The following NLRP4 variants were observed in gnomAD, a reference collection of about 807,000 sequenced individuals.
NLRP4 encodes NACHT, LRR and PYD domains-containing protein 4.
A neutral mutation model predicts 84.7 loss-of-function variants in NLRP4; 44 were observed. The observed-to-expected ratio is 0.52, with a 90% CI of 0.41 to 0.67. The LOEUF is 0.67. Ranked by LOEUF, NLRP4 falls within the 30% of genes least tolerant of loss-of-function variation. NLRP4 has a pLI of 0.00. For synonymous variants in NLRP4, 544 were observed against 476.4 expected (o/e 1.14, Z -1.85); for missense variants, 1,260 against 1,219.4 (o/e 1.03, Z -0.50).
chr19:55,871,680 T>G (rs1197310881), intron 7 of NLRP4, among the ~76,000 whole-genome samples: 1 of 152,148 alleles, frequency 6.6e-6, no homozygotes, highest in Non-Finnish European at 1.5e-5. Context: ...TATTCCTCAC[T>G]TGAAGAGTAT....
intron 1 of NLRP4, among the ~76,000 whole-genome samples, chr19:55,838,550 A>G (rs1295497849): frequency 1.3e-5 from 2 of 152,114 alleles, no homozygotes; most frequent in East Asian, 3.9e-4. Flanking sequence ...AGTTTGTGGT[A>G]CGTTGTCATG....
rs1009334162 is a variant in NLRP4 at position 55,857,736 on chromosome 19, T to A, written c.343T>A (p.Ser115Thr). 1 of 1,613,830 alleles carries A rather than the reference T, an allele frequency of 6.2e-7. No homozygotes were observed. Among genetic ancestry groups the A allele is most frequent in the Non-Finnish European group, 8.5e-7 (1 of 1,179,732 alleles). Residue 115 changes from serine (S) to threonine (T), a missense_variant, in exon 3 of 10, where the codon TCT (serine) becomes ACT (threonine). Ser to Thr is a moderately conservative substitution (Grantham distance 58). Transcript: ENST00000301295. The stretch of plus-strand genomic sequence containing the variant: ...ATTCAGCCGCTTATGGTCCAGCAAG[T>A]CTGTCACTGAGATTCACCTATACTT... ...QKFSRLWSSK[S>T]VTEIHLYFEE...
intron 7 of NLRP4, among the ~76,000 whole-genome samples, chr19:55,875,688 G>A (rs1202894758): frequency 2.6e-5 from 4 of 152,090 alleles, no homozygotes; most frequent in Non-Finnish European, 5.9e-5. Flanking sequence ...ATTTTAAAAT[G>A]TGTATGGAAC....
rs773620204 is a variant in NLRP4, at chr19:55,858,268, C to A, written c.875C>A (p.Thr292Lys). ...VCPKELRDQV[T>K]ISEIYQPRGF... ...CCGAAGGAGCTCCGGGATCAGGTGA[C>A]GATCTCAGAAATCTACCAGCCCCGG... Residue 292 changes from threonine (T) to lysine (K), a missense_variant, in exon 3 of 10, where the codon ACG (threonine) becomes AAG (lysine). Coordinates refer to ENST00000301295, the MANE Select transcript of NLRP4 (RefSeq NM_134444.5). This position sits in a 1 kb window ranked among gnomAD's most constrained non-coding sequence, Gnocchi z 4.2. The A allele has an allele frequency of 6.2e-7, 1 of 1,614,140 alleles. No individual in the cohort carries two copies. Among genetic ancestry groups the A allele is most frequent in the Non-Finnish European group, 8.5e-7 (1 of 1,180,026 alleles).
chr19:55,850,233 G>A (rs868536849), intron 1 of NLRP4, among the ~76,000 whole-genome samples: 14 of 113,356 alleles, frequency 1.2e-4, no homozygotes, highest in African/African-American at 6.2e-4. Context: ...TAATTTCCGT[G>A]GCTGCGGTGT....
At position 55,859,130 on chromosome 19, in the gene NLRP4, T is replaced by C. The variant is rs554911894; in HGVS notation, c.1737T>C (p.His579=). ...AVNLLQEANF[H]IIDNVDLVVS... ...ACCTCCTCCAAGAAGCTAACTTTCATATTATTGACAACGTGGACTTGGTGG... is the reference window on the plus strand; with the variant it reads ...ACCTCCTCCAAGAAGCTAACTTTCACATTATTGACAACGTGGACTTGGTGG... Residue 579 remains histidine, a synonymous_variant, in exon 3 of 10, where the codon CAT becomes CAC. Transcript: ENST00000301295. The C allele has an allele frequency of 1.2e-6, 2 of 1,613,942 alleles. No homozygotes were observed. The highest frequency in any genetic ancestry group is 1.7e-6 in the Non-Finnish European group (2 of 1,179,924).
intron 6 of NLRP4, among the ~76,000 whole-genome samples, chr19:55,868,879 G>T (rs964911041): frequency 2.6e-5 from 4 of 152,144 alleles, no homozygotes; most frequent in Non-Finnish European, 5.9e-5. Context: ...TGAACAACAT[G>T]AAAGTAAGAG....
Position 55,852,194 on chromosome 19 carries a change from A to G in NLRP4, c.114A>G (p.Glu38=). 6.2e-7 allele frequency: 1 copy of G among 1,607,970 alleles called. No homozygotes were observed. The highest frequency in any genetic ancestry group is 8.5e-7 in the Non-Finnish European group (1 of 1,178,500). Residue 38 remains glutamate, a synonymous_variant, in exon 2 of 10, where the codon GAA becomes GAG. Coordinates refer to ENST00000301295, the MANE Select transcript of NLRP4 (RefSeq NM_134444.5). The part of the protein sequence containing the change: ...EHLKQMTLQL[E]LKQIPWTEVK... Reference sequence around the variant, plus strand: ...TCAAGCAAATGACTTTGCAGCTTGAACTCAAGCAGATTCCCTGGACTGAGG... The same window carrying G: ...TCAAGCAAATGACTTTGCAGCTTGAGCTCAAGCAGATTCCCTGGACTGAGG...
chr19:55,866,994 C>T (rs927370133), intron 5 of NLRP4, among the ~76,000 whole-genome samples: 8 of 152,020 alleles, frequency 5.3e-5, no homozygotes, highest in Admixed American at 3.3e-4. Context: ...TGACACTGTG[C>T]GTCTCAGGTT....
chr19:55,856,681 A>G (rs1984438271), intron 2 of NLRP4, among the ~76,000 whole-genome samples: 1 of 151,638 alleles, frequency 6.6e-6, no homozygotes, highest in Non-Finnish European at 1.5e-5. Flanking sequence ...ACGCCCGGCT[A>G]ATTTTTGTAT....
chr19:55,873,299 T>C (rs1275271826), intron 7 of NLRP4, among the ~76,000 whole-genome samples: 2 of 151,694 alleles, frequency 1.3e-5, no homozygotes, highest in East Asian at 1.9e-4. Flanking sequence ...ACAACAGCCA[T>C]AACAAAATAT....
At chr19:55,847,799 C>T (rs1281910363) in intron 1 of NLRP4, among the ~76,000 whole-genome samples, 1 of 150,870 alleles carries the variant, frequency 6.6e-6, no homozygotes, top group Non-Finnish European at 1.5e-5. Context: ...ACTGCAACCT[C>T]TGCCTCCCGG....
chr19:55,874,551 AG>A (rs1414129489), intron 7 of NLRP4, among the ~76,000 whole-genome samples: 1 of 152,214 alleles, frequency 6.6e-6, no homozygotes, highest in East Asian at 1.9e-4. Flanking sequence ...AGACTCAATA[AG>A]CTTCTAAAAT....
chr19:55,861,381 C>T lies in NLRP4; in HGVS notation c.1857-5C>T. 1.9e-6 allele frequency: 3 copies of T among 1,612,462 alleles called. No individual in the cohort carries two copies. The highest frequency in any genetic ancestry group is 2.5e-6 in the Non-Finnish European group (3 of 1,178,950). ...TGTGGAAAGCTCGTCCTTTCTTGAC[C>T]ACAGGTCGGATTACAGCCTCATCTG... On this transcript the variant is annotated splice_polypyrimidine_tract_variant and splice_region_variant and intron_variant, in intron 3 of 9. Transcript: ENST00000301295.
chr19:55,881,811 C>A lies in NLRP4; in HGVS notation c.*224C>A. The stretch of plus-strand genomic sequence containing the variant: ...TCATGGTCTCTCGGTCTCACAAGGA[C>A]CTCTTAACCCCTCAATAAAGTGTTA... On this transcript the variant is annotated 3_prime_UTR_variant, in exon 10 of 10. Coordinates refer to ENST00000301295, the MANE Select transcript of NLRP4 (RefSeq NM_134444.5). 2.9e-6 allele frequency: 1 copy of A among 348,402 alleles called. No individual in the cohort carries two copies. Among genetic ancestry groups the A allele is most frequent in the Non-Finnish European group, 5.1e-6 (1 of 194,358 alleles). The allele number at this position is 348,402 out of a possible 1,614,324, so 21.6% of individuals were successfully genotyped here.
At chr19:55,864,652 T>C (rs1458816497) in intron 5 of NLRP4, among the ~76,000 whole-genome samples, 1 of 152,260 alleles carries the variant, frequency 6.6e-6, no homozygotes, top group Non-Finnish European at 1.5e-5. Flanking sequence ...CCTCAGTGAC[T>C]GCACAATTCT....
chr19:55,847,594 C>G (rs1391789073), intron 1 of NLRP4, among the ~76,000 whole-genome samples: 10 of 152,080 alleles, frequency 6.6e-5, no homozygotes, highest in Non-Finnish European at 1.5e-4. Flanking sequence ...AATCCTGTGC[C>G]ACATTTCTCT....
chr19:55,844,147 CTG>C (rs1257052326), intron 1 of NLRP4, among the ~76,000 whole-genome samples: 3 of 152,162 alleles, frequency 2.0e-5, no homozygotes, highest in Non-Finnish European at 2.9e-5. Flanking sequence ...CTTCTGAAGA[CTG>C]TGAGGGAGAA....
chr19:55,850,789 C>CGAGGCTGCGGTGTAATTTA, intron 1 of NLRP4, among the ~76,000 whole-genome samples: 3 of 125,494 alleles, frequency 2.4e-5, no homozygotes, highest in African/African-American at 3.8e-5. Context: ...GGTGTAATTC[C>CGAGGCTGCGGTGTAATTTA]CGAGGCTGCG....
Sources: gnomAD v4.1 joint callset for allele counts (sites outside exome capture counted in the v4.1 genomes callset) on GRCh38, gnomAD v4.1.1 for gene constraint, Gnocchi (gnomAD v3.1) non-coding constraint, MANE v1.5 for transcripts, NCBI Gene and HGNC (gene_info 2026-07-23, HGNC 2026-07-21) for gene names.